The following FAS variants were observed in gnomAD, a reference collection of about 807,000 sequenced individuals.
FAS encodes Fas cell surface death receptor.
In FAS, 5 loss-of-function variants were observed where a neutral mutation model predicts 33.2. The observed-to-expected ratio is 0.15, with a 90% CI of 0.08 to 0.32. The LOEUF is 0.32. FAS is among the 10% of genes least tolerant of loss of function. The pLI is 1.00. For missense variants in FAS, 339 were observed against 386.0 expected (o/e 0.88, Z 1.02); for synonymous variants, 131 against 130.7 (o/e 1.00, Z -0.01).
chr10:88,981,098 C>T (rs1173033629), intron 2 of FAS, among the ~76,000 whole-genome samples: 1 of 152,318 alleles, frequency 6.6e-6, no homozygotes, highest in East Asian at 1.9e-4. Flanking sequence ...AAGCAAAGGG[C>T]AGGCCCAGCA....
At chr10:88,970,350 G>A (rs959937246) in intron 1 of FAS, among the ~76,000 whole-genome samples, 2 of 151,774 alleles carry the variant, frequency 1.3e-5, no homozygotes, top group African/African-American at 2.4e-5. Context: ...TGTCCTCTTC[G>A]CTGAGTTCCT....
chr10:89,006,709 C>A (rs1052426122), intron 2 of FAS, among the ~76,000 whole-genome samples: 10 of 152,126 alleles, frequency 6.6e-5, no homozygotes, highest in Middle Eastern at 3.4e-3. Context: ...TGCCTGCATC[C>A]CAAGAAGGTG....
intron 1 of FAS, chr10:88,992,299 A>G (rs886896461): frequency 6.6e-6 from 1 of 152,184 alleles, no homozygotes; most frequent in Non-Finnish European, 1.5e-5. Context: ...TAATGATTCA[A>G]GATTGAGAAA....
chr10:88,964,737 T>C (rs1018576783), intron 1 of FAS, among the ~76,000 whole-genome samples: 6 of 152,122 alleles, frequency 3.9e-5, no homozygotes, highest in Non-Finnish European at 1.5e-5. Context: ...CAGCTACCCT[T>C]CAGCAAAAAG....
intron 1 of FAS, among the ~76,000 whole-genome samples, chr10:88,964,290 A>G (rs1257622836): frequency 6.6e-6 from 1 of 152,204 alleles, no homozygotes; most frequent in East Asian, 1.9e-4. Context: ...CTTCACGTAT[A>G]TATGGGAGAT....
intron 1 of FAS, among the ~76,000 whole-genome samples, chr10:88,967,375 A>C (rs1564655247): frequency 6.6e-6 from 1 of 152,148 alleles, no homozygotes; most frequent in Non-Finnish European, 1.5e-5. Flanking sequence ...CCCTTGGCAA[A>C]TCATCTAGCA....
intron 1 of FAS, among the ~76,000 whole-genome samples, chr10:89,000,834 G>A (rs1367836268): frequency 6.6e-6 from 1 of 152,188 alleles, no homozygotes; most frequent in African/African-American, 2.4e-5. Context: ...ATCTTCTGAG[G>A]TCAGGAGTTT....
chr10:88,976,256 C>T (rs765327213), intron 2 of FAS, among the ~76,000 whole-genome samples: 22 of 152,158 alleles, frequency 1.4e-4, no homozygotes, highest in Non-Finnish European at 2.6e-4. Context: ...TTTACGAATT[C>T]GTGTTGGGCT....
At chr10:88,969,222 G>A (rs1846378947) in intron 1 of FAS, among the ~76,000 whole-genome samples, 1 of 152,140 alleles carries the variant, frequency 6.6e-6, no homozygotes, top group African/African-American at 2.4e-5. Flanking sequence ...CATAGGATCA[G>A]CATAGATTTC....
intron 1 of FAS, among the ~76,000 whole-genome samples, chr10:88,964,989 T>C (rs1336689247): frequency 6.6e-6 from 1 of 152,142 alleles, no homozygotes; most frequent in Non-Finnish European, 1.5e-5. Context: ...CAAATTCATA[T>C]AGTCCAGCCC....
In FAS at chr10:89,016,268, C is replaced by T. The variant is rs184446405; in HGVS notation, c.*1818C>T. ...AGTTGTGCTTTGCTTAGGGTTCCCT[C>T]CTGTGTTATGGTCTGGAAAGTGTCT... On this transcript the variant is annotated 3_prime_UTR_variant, in exon 9 of 9. Transcript: ENST00000652046. The T allele has an allele frequency of 6.4e-5, 14 of 217,272 alleles. No individual in the cohort carries two copies. Among genetic ancestry groups the T allele is most frequent in the Non-Finnish European group, 1.0e-4 (11 of 108,020 alleles). The allele number at this position is 217,272 out of a possible 1,614,324, so 13.5% of individuals were successfully genotyped here.
chr10:88,986,859 A>G (rs143294501), upstream of FAS, among the ~76,000 whole-genome samples: 2 of 152,354 alleles, frequency 1.3e-5, no homozygotes, highest in African/African-American at 2.4e-5. Flanking sequence ...CAAATTATCA[A>G]TTTGTCTTGT....
chr10:89,009,065 G>GT (rs1848395231), intron 4 of FAS, 68 bp downstream of exon 4: 1 of 1,361,816 alleles, frequency 7.3e-7, no homozygotes, highest in African/African-American at 1.4e-5. Flanking sequence ...TCCTAGGGAA[G>GT]TAACACTGAC....
chr10:88,988,443 T>TA (rs796954788), upstream of FAS, among the ~76,000 whole-genome samples: 1,478 of 142,394 alleles, frequency 0.01, 25 homozygotes, highest in South Asian at 0.034. Flanking sequence ...TTTTGTTTTT[T>TA]ATCTTAACTC....
rs1268396737 is a variant in FAS, at chr10:89,015,207, T to A, written c.*757T>A. 1.9e-6 allele frequency: 1 copy of A among 534,686 alleles called. No individual in the cohort carries two copies. Among genetic ancestry groups the A allele is most frequent in the East Asian group, 3.9e-5 (1 of 25,760 alleles). 33.1% of individuals were successfully genotyped at this position (534,686 alleles called of 1,614,324 possible). A position where few individuals can be genotyped will look rare whatever the true frequency, so the allele number is the denominator to read the frequency against. ...TTACTAGAGCTTTGCCACCTCTCCATTTTTGCCTTGGTGCTCATCTTAATG... is the reference window on the plus strand; with the variant it reads ...TTACTAGAGCTTTGCCACCTCTCCAATTTTGCCTTGGTGCTCATCTTAATG... On this transcript the variant is annotated 3_prime_UTR_variant, in exon 9 of 9. Transcript: ENST00000652046.
intron 2 of FAS, among the ~76,000 whole-genome samples, chr10:89,005,232 A>T (rs1248093914): frequency 6.6e-6 from 1 of 152,106 alleles, no homozygotes; most frequent in Non-Finnish European, 1.5e-5. Context: ...AAAAAGGAAG[A>T]GAAAAATAGA....
At chr10:88,973,634 C>G (rs932949471) in intron 2 of FAS, 1 of 201,186 alleles carries the variant, frequency 5.0e-6, no homozygotes, top group African/African-American at 2.3e-5. Flanking sequence ...TTAAGCTGAA[C>G]TAACCTCAAA....
intron 2 of FAS, chr10:88,974,472 T>A (rs2133331638): frequency 6.6e-6 from 1 of 152,340 alleles, no homozygotes; most frequent in Admixed American, 6.5e-5. Context: ...ATGTTGGTGG[T>A]CTTTTAAAAA....
intron 1 of FAS, chr10:88,973,175 C>A: frequency 6.2e-7 from 1 of 1,611,642 alleles, no homozygotes; most frequent in Non-Finnish European, 8.5e-7. Context: ...TTCTGTGTGA[C>A]CTATAGATTC....
Sources: allele counts gnomAD v4.1 joint callset (sites outside exome capture counted in the v4.1 genomes callset), GRCh38; gene constraint gnomAD v4.1.1; transcripts MANE v1.5; gene names NCBI Gene and HGNC (gene_info 2026-07-23, HGNC 2026-07-21).